Variants in SSBP3 observed in about 807,000 individuals in gnomAD.
The protein encoded by SSBP3 is single stranded DNA binding protein 3.
In SSBP3, 5 loss-of-function variants were observed where a neutral mutation model predicts 69.6. That is an observed-to-expected ratio of 0.07 (90% CI 0.04 to 0.15). The LOEUF is 0.15. Among genes scored for constraint, SSBP3 ranks in the 10% least tolerant of loss-of-function variants. SSBP3 has a pLI of 1.00. For synonymous variants in SSBP3, 196 were observed against 193.4 expected, an observed-to-expected ratio of 1.01 and a Z score of -0.11; for missense variants, 312 against 534.0, an observed-to-expected ratio of 0.58 and a Z score of 4.10.
chr1:54,332,341 AC>A (rs1239236304), intron 4 of SSBP3, among the ~76,000 whole-genome samples: 1 of 152,204 alleles, frequency 6.6e-6, no homozygotes, highest in Non-Finnish European at 1.5e-5. Context: ...ATGCAAGGAA[AC>A]TAAAAGTGGA....
chr1:54,256,924 C>G (rs983803274), intron 7 of SSBP3, among the ~76,000 whole-genome samples: 5 of 152,200 alleles, frequency 3.3e-5, no homozygotes, highest in African/African-American at 7.2e-5. Context: ...AAAGGGCCAT[C>G]TGGAGAGGCA....
chr1:54,303,069 A>G (rs1041160366), intron 4 of SSBP3, among the ~76,000 whole-genome samples: 8 of 152,248 alleles, frequency 5.3e-5, no homozygotes, highest in African/African-American at 1.7e-4. Context: ...TCCTGATATA[A>G]TAAAGTACAC....
At chr1:54,301,196 A>G (rs927183965) in intron 4 of SSBP3, among the ~76,000 whole-genome samples, 4 of 152,232 alleles carry the variant, frequency 2.6e-5, no homozygotes, top group Non-Finnish European at 5.9e-5. Flanking sequence ...CACAATGCCC[A>G]TAATATTAAT....
At chr1:54,282,560 G>A (rs1396913805) in intron 4 of SSBP3, among the ~76,000 whole-genome samples, 1 of 152,184 alleles carries the variant, frequency 6.6e-6, no homozygotes, top group Non-Finnish European at 1.5e-5. Flanking sequence ...TCCCCAGCCT[G>A]GCCTCCTTCC....
upstream of SSBP3, among the ~76,000 whole-genome samples, chr1:54,406,940 ACTCCAGCCCGGC>A (rs1283812784): frequency 6.9e-6 from 1 of 144,814 alleles, no homozygotes; most frequent in Non-Finnish European, 1.5e-5. Flanking sequence ...CCCTCCCCAG[ACTCCAGCCCGGC>A]CCCCAGCCCG....
At chr1:54,308,686 C>G (rs1313475885) in intron 4 of SSBP3, among the ~76,000 whole-genome samples, 1 of 151,394 alleles carries the variant, frequency 6.6e-6, no homozygotes. Context: ...GAGAATCACT[C>G]GAACCCAGAA....
chr1:54,279,248 A>G (rs150218565), intron 5 of SSBP3, among the ~76,000 whole-genome samples: 2 of 152,312 alleles, frequency 1.3e-5, no homozygotes, highest in African/African-American at 4.8e-5. Context: ...GAAGGTCCAA[A>G]AGTTACCTCT....
Position 54,288,585 on chromosome 1 carries a change from G to GT in SSBP3, c.277-7059dup, listed in dbSNP as rs1305797972. Among the ~76,000 whole-genome samples, 103 of 74,266 alleles carry GT rather than the reference G, an allele frequency of 1.4e-3. 1 individual carries two copies. The East Asian group carries it at 0.03, about 22-fold the overall frequency. The allele number at this position is 74,266 out of a possible 152,430, so 48.7% of individuals were successfully genotyped here. ...ATTTTGATCCCATACATCAGCAGGG[G>GT]TGGGGGGGGGGAGGGTAGTATTTAT... On this transcript the variant is annotated intron_variant, in intron 4 of 17. Coordinates refer to ENST00000610401, the Ensembl canonical transcript of SSBP3.
At chr1:54,369,028 A>G (rs1647076069) in intron 4 of SSBP3, among the ~76,000 whole-genome samples, 2 of 152,240 alleles carry the variant, frequency 1.3e-5, no homozygotes, top group African/African-American at 2.4e-5. Flanking sequence ...TAAAACAAGT[A>G]GATGGCTCCA....
intron 4 of SSBP3, among the ~76,000 whole-genome samples, chr1:54,312,556 TA>T (rs534313722): frequency 3.0e-3 from 438 of 145,388 alleles, no homozygotes; most frequent in Non-Finnish European, 2.6e-3. Flanking sequence ...CCACTGCACT[TA>T]AAAAAAAAAA....
Position 54,404,562 on chromosome 1 carries a change from T to C in SSBP3, c.191+14A>G. ...CAAAACAAACACACATGCAAAACTA[T>C]CACACAAACTTACCACCACCACGAG... is the stretch of plus-strand genomic sequence containing the variant. On this transcript the variant is annotated intron_variant, in intron 3 of 17. Coordinates refer to ENST00000610401, the Ensembl canonical transcript of SSBP3. 6.2e-7 allele frequency: 1 copy of C among 1,612,746 alleles called. No individual in the cohort carries two copies. The highest frequency in any genetic ancestry group is 1.9e-4 in the Middle Eastern group (1 of 5,348).
At chr1:54,302,203 T>A (rs760746147) in intron 4 of SSBP3, among the ~76,000 whole-genome samples, 3 of 152,252 alleles carry the variant, frequency 2.0e-5, no homozygotes, top group Non-Finnish European at 4.4e-5. Flanking sequence ...GGACAACCTC[T>A]CTTCCTCACT....
intron 5 of SSBP3, among the ~76,000 whole-genome samples, chr1:54,268,394 A>G (rs909554466): frequency 1.3e-5 from 2 of 152,270 alleles, no homozygotes; most frequent in African/African-American, 4.8e-5. Flanking sequence ...GCACTGCCTC[A>G]TCCACCCAGA....
At chr1:54,240,101 TGTGCGTGCGCGCGCGCGCGC>T (rs1435911035) in intron 13 of SSBP3, among the ~76,000 whole-genome samples, 18 of 7,158 alleles carry the variant, frequency 2.5e-3, no homozygotes, top group Non-Finnish European at 3.6e-3. Flanking sequence ...CGCGCGCGCG[TGTGCGTGCGCGCGCGCGCGC>T]AACACATGCC....
At chr1:54,255,158 CGGGGGGGGG>C (rs34404422) in intron 7 of SSBP3, among the ~76,000 whole-genome samples, 2 of 63,390 alleles carry the variant, frequency 3.2e-5, no homozygotes, top group African/African-American at 1.0e-4. Context: ...TGCGGGGGGG[CGGGGGGGGG>C]GGTGGTTGGC....
At chr1:54,320,857 G>A (rs952535471) in intron 4 of SSBP3, among the ~76,000 whole-genome samples, 1 of 152,120 alleles carries the variant, frequency 6.6e-6, no homozygotes, top group African/African-American at 2.4e-5. Context: ...CCTGGCATAC[G>A]GTACGCATTC....
rs373165809 is a variant in SSBP3 at position 54,255,078 on chromosome 1, G to T, written c.507+2049C>A. Among the ~76,000 whole-genome samples the T allele has an allele frequency of 9.2e-5, 13 of 141,646 alleles. No individual in the cohort carries two copies. In the East Asian group the frequency reaches 2.9e-3, roughly 31 times the overall value. 92.9% of individuals were successfully genotyped at this position (141,646 alleles called of 152,430 possible). A position where few individuals can be genotyped will look rare whatever the true frequency, so the allele number is the denominator to read the frequency against. On this transcript the variant is annotated intron_variant, in intron 7 of 17. Coordinates refer to ENST00000610401, the Ensembl canonical transcript of SSBP3. Reference sequence around the variant, plus strand: ...GAACTCCTGATCAAGTGATCCACCCGCCTGAGCCTCCCAAAGTGCTAGCAT... The same window carrying T: ...GAACTCCTGATCAAGTGATCCACCCTCCTGAGCCTCCCAAAGTGCTAGCAT...
chr1:54,404,954 G>A (rs753538285), intron 1 of SSBP3, 24 bp from the exon 2 acceptor site: 17 of 1,599,138 alleles, frequency 1.1e-5, no homozygotes, highest in African/African-American at 4.0e-5. Context: ...AGGGGGCAAA[G>A]AGAGAGAGGG....
chr1:54,314,590 T>C (rs1227738276), intron 4 of SSBP3, among the ~76,000 whole-genome samples: 1 of 152,224 alleles, frequency 6.6e-6, no homozygotes, highest in East Asian at 1.9e-4. Flanking sequence ...GATGAGCAGT[T>C]AGTTGGGTCT....
Sources: gnomAD v4.1 joint callset for allele counts (sites outside exome capture counted in the v4.1 genomes callset) on GRCh38, gnomAD v4.1.1 for gene constraint, MANE v1.5 for transcripts, NCBI Gene and HGNC (gene_info 2026-07-23, HGNC 2026-07-21) for gene names.